Variants in MOB1B observed in about 807,000 individuals in gnomAD.
The protein encoded by MOB1B is MOB kinase activator 1B.
A neutral mutation model predicts 24.4 loss-of-function variants in MOB1B; 19 were observed. The ratio of observed to expected loss-of-function variants is 0.78; its 90% CI spans 0.54 to 1.14. The LOEUF is 1.14. MOB1B is among the 50% of genes most tolerant of loss of function. MOB1B has a pLI of 0.00. For missense variants in MOB1B, 243 were observed against 259.6 expected, an observed-to-expected ratio of 0.94 and a Z score of 0.44; for synonymous variants, 76 against 82.1, an observed-to-expected ratio of 0.93 and a Z score of 0.40.
At chr4:70,902,283 G>C (rs890523042), upstream of MOB1B, 18 of 585,158 alleles carry the variant, frequency 3.1e-5, no homozygotes, top group Admixed American at 3.8e-4. Flanking sequence ...AGGGGCTCGC[G>C]GAGAGCCTGC....
intron 1 of MOB1B, among the ~76,000 whole-genome samples, chr4:70,935,912 C>T (rs551817327): frequency 2.0e-4 from 26 of 132,758 alleles, no homozygotes; most frequent in East Asian, 4.6e-4. Context: ...AGTGCAGTGG[C>T]GGGATCTCGG....
intron 2 of MOB1B, among the ~76,000 whole-genome samples, chr4:70,961,357 A>C (rs933795962): frequency 6.6e-6 from 1 of 152,220 alleles, no homozygotes; most frequent in East Asian, 1.9e-4. Context: ...TCACATCCCA[A>C]GCGGACGGAG....
intron 1 of MOB1B, among the ~76,000 whole-genome samples, chr4:70,935,078 C>G (rs1251209685): frequency 6.6e-6 from 1 of 151,960 alleles, no homozygotes; most frequent in Admixed American, 6.6e-5. Context: ...CAGTGCATGC[C>G]AGTATGCCCG....
At chr4:70,980,085 C>T (rs1739142056) in intron 5 of MOB1B, among the ~76,000 whole-genome samples, 1 of 152,140 alleles carries the variant, frequency 6.6e-6, no homozygotes, top group Admixed American at 6.6e-5. Flanking sequence ...TGTATATCTA[C>T]AGGCATATAT....
intron 1 of MOB1B, among the ~76,000 whole-genome samples, chr4:70,929,182 C>CTTTT (rs11362114): frequency 2.4e-4 from 23 of 95,098 alleles, no homozygotes; most frequent in African/African-American, 5.7e-4. Context: ...TTCTTTCTTT[C>CTTTT]TTTTTTTTTT....
chr4:70,924,843 G>C (rs1033321330), intron 1 of MOB1B, among the ~76,000 whole-genome samples: 1 of 152,162 alleles, frequency 6.6e-6, no homozygotes, highest in Non-Finnish European at 1.5e-5. Flanking sequence ...TGGCTGCATA[G>C]TATTCCATGG....
intron 2 of MOB1B, among the ~76,000 whole-genome samples, chr4:70,964,357 G>A (rs1368703052): frequency 6.6e-6 from 1 of 152,180 alleles, no homozygotes; most frequent in African/African-American, 2.4e-5. Context: ...TCTGACCATG[G>A]TGGAATCTGG....
At chr4:70,923,625 A>AT (rs1398854188) in intron 1 of MOB1B, among the ~76,000 whole-genome samples, 4 of 152,076 alleles carry the variant, frequency 2.6e-5, no homozygotes, top group East Asian at 1.9e-4. Flanking sequence ...TAGGAGGAAT[A>AT]TTTTTTATGT....
intron 1 of MOB1B, among the ~76,000 whole-genome samples, chr4:70,934,805 G>A (rs1420906277): frequency 5.3e-5 from 8 of 151,848 alleles, no homozygotes; most frequent in South Asian, 4.1e-4. Context: ...TGCTGTCTCC[G>A]TAATTGTTTT....
At chr4:70,973,535 C>A (rs1738857176) in intron 3 of MOB1B, among the ~76,000 whole-genome samples, 1 of 151,192 alleles carries the variant, frequency 6.6e-6, no homozygotes, top group African/African-American at 2.4e-5. Flanking sequence ...GTCTCTAGCT[C>A]CTAAGAGGAG....
At chr4:70,910,300 C>T (rs1339815244) in intron 1 of MOB1B, among the ~76,000 whole-genome samples, 1 of 152,094 alleles carries the variant, frequency 6.6e-6, no homozygotes, top group African/African-American at 2.4e-5. Flanking sequence ...CTCGGCCTCC[C>T]AAAGCGCTGG....
At chr4:70,959,495 C>G (rs576156454) in intron 2 of MOB1B, among the ~76,000 whole-genome samples, 7 of 152,268 alleles carry the variant, frequency 4.6e-5, no homozygotes, top group African/African-American at 1.4e-4. Context: ...ATTACAGGCA[C>G]TAGTCACCAC....
intron 1 of MOB1B, among the ~76,000 whole-genome samples, chr4:70,927,446 A>G (rs1015231689): frequency 1.3e-5 from 2 of 152,116 alleles, no homozygotes; most frequent in Non-Finnish European, 2.9e-5. Context: ...AGGCTGAGGC[A>G]GGAGAATCGC....
At chr4:70,923,817 G>T (rs906573914) in intron 1 of MOB1B, among the ~76,000 whole-genome samples, 2 of 151,608 alleles carry the variant, frequency 1.3e-5, no homozygotes, top group African/African-American at 4.8e-5. Context: ...GGGCCTGGTC[G>T]TGGGCGCCTG....
intron 1 of MOB1B, among the ~76,000 whole-genome samples, chr4:70,939,834 G>A (rs915873205): frequency 6.6e-6 from 1 of 152,216 alleles, no homozygotes; most frequent in Non-Finnish European, 1.5e-5. Flanking sequence ...TTGCCTTGGT[G>A]TACAGAAGAA....
chr4:70,919,978 A>G (rs148669736), intron 1 of MOB1B, among the ~76,000 whole-genome samples: 3 of 152,358 alleles, frequency 2.0e-5, no homozygotes, highest in African/African-American at 4.8e-5. Flanking sequence ...TCAAAAGCCA[A>G]AGAAACAGCT....
chr4:70,918,748 A>G (rs1736299416), intron 1 of MOB1B, among the ~76,000 whole-genome samples: 1 of 152,064 alleles, frequency 6.6e-6, no homozygotes, highest in Non-Finnish European at 1.5e-5. Context: ...TTGGTGTTTT[A>G]GACATGAAGT....
chr4:70,928,152 T>A (rs962340175), intron 1 of MOB1B, among the ~76,000 whole-genome samples: 4 of 152,186 alleles, frequency 2.6e-5, no homozygotes, highest in Non-Finnish European at 4.4e-5. Flanking sequence ...CAAAAAGACA[T>A]TGTACTCCAC....
intron 3 of MOB1B, among the ~76,000 whole-genome samples, chr4:70,972,875 A>G (rs985484667): frequency 2.6e-5 from 4 of 151,966 alleles, no homozygotes; most frequent in Admixed American, 6.6e-5. Context: ...CTGGGTTCAC[A>G]CCATTCTCCT....
Sources: gnomAD v4.1 joint callset for allele counts (sites outside exome capture counted in the v4.1 genomes callset) on GRCh38, gnomAD v4.1.1 for gene constraint, MANE v1.5 for transcripts, NCBI Gene and HGNC (gene_info 2026-07-23, HGNC 2026-07-21) for gene names.